Variants in MXRA7 observed in about 807,000 individuals in gnomAD.
MXRA7 encodes the protein matrix remodeling associated 7.
Under a neutral mutation model 17.4 loss-of-function variants are expected in MXRA7, and 18 were observed. That is an observed-to-expected ratio of 1.03 (90% confidence interval 0.71 to 1.53). The LOEUF is 1.53. Ranked by LOEUF, MXRA7 falls within the 40% of genes most tolerant of loss-of-function variation. The probability of loss-of-function intolerance (pLI) is 0.00; values close to 1 mark genes in which losing one functional copy is unlikely to be tolerated. For synonymous variants in MXRA7, 70 were observed against 101.7 expected (o/e 0.69, Z 1.87); for missense variants, 141 against 209.3 (o/e 0.67, Z 2.01).
At chr17:76,684,319 A>G (rs1340343721) in intron 3 of MXRA7, among the ~76,000 whole-genome samples, 2 of 152,044 alleles carry the variant, frequency 1.3e-5, no homozygotes, top group Non-Finnish European at 2.9e-5. Flanking sequence ...AAAATGGCAC[A>G]GCTACCACCT....
intron 1 of MXRA7, among the ~76,000 whole-genome samples, chr17:76,694,128 C>A (rs555172489): frequency 1.3e-5 from 2 of 152,274 alleles, no homozygotes; most frequent in South Asian, 4.1e-4. Flanking sequence ...CCAATTTCTG[C>A]TTGGGGGACA....
intron 1 of MXRA7, chr17:76,688,940 G>T: frequency 3.9e-6 from 1 of 256,980 alleles, no homozygotes; most frequent in East Asian, 6.9e-5. Context: ...CCCAGCCAGC[G>T]TCGGCCGCTC....
At chr17:76,676,285 G>A (rs1399576616), downstream of MXRA7, 1 of 152,172 alleles carries the variant, frequency 6.6e-6, no homozygotes, top group African/African-American at 2.4e-5. Context: ...TATTTCTTCT[G>A]TCTACAGCAT....
chr17:76,680,641 G>A lies in MXRA7; in HGVS notation c.*226C>T. On this transcript the variant is annotated 3_prime_UTR_variant, in exon 4 of 4. Transcript: ENST00000449428. ...CTTCAGCTTAACAAAGTGACCCACA[G>A]GAACAGACATGAACATCTCTACACA... 4.5e-6 allele frequency: 6 copies of A among 1,325,922 alleles called. No homozygotes were observed. The highest frequency in any genetic ancestry group is 5.8e-6 in the Non-Finnish European group (6 of 1,034,280). 82.1% of individuals were successfully genotyped at this position (1,325,922 alleles called of 1,614,324 possible). A position where few individuals can be genotyped will look rare whatever the true frequency, so the allele number is the denominator to read the frequency against.
rs200240043 is a variant in MXRA7, at chr17:76,685,233, T to C, written c.407-68A>G. ...GCTGGCCCCACAAACCCCGGCCCCC[T>C]TTCCCTAGGTTTAAAAAGAAACACC... On this transcript the variant is annotated intron_variant, in intron 2 of 3. Transcript: ENST00000449428. The C allele has an allele frequency of 2.2e-4, 253 of 1,160,888 alleles. 1 individual carries two copies. In the East Asian group the frequency reaches 5.9e-3, roughly 27 times the overall value. 71.9% of individuals were successfully genotyped at this position (1,160,888 alleles called of 1,614,324 possible).
intron 1 of MXRA7, among the ~76,000 whole-genome samples, chr17:76,708,406 C>T (rs1227489995): frequency 6.6e-6 from 1 of 152,140 alleles, no homozygotes; most frequent in African/African-American, 2.4e-5. Context: ...TGGTGGGGTT[C>T]GCTTAGGGAC....
chr17:76,702,774 C>G (rs1360751836), intron 1 of MXRA7, among the ~76,000 whole-genome samples: 2 of 150,888 alleles, frequency 1.3e-5, no homozygotes, highest in African/African-American at 4.9e-5. Context: ...ATCGCTGGAA[C>G]CTGGGAGGGG....
At chr17:76,700,443 C>T (rs200719620) in intron 1 of MXRA7, among the ~76,000 whole-genome samples, 1 of 57,060 alleles carries the variant, frequency 1.8e-5, no homozygotes, top group Non-Finnish European at 5.5e-5. Flanking sequence ...CTCTCTGGGG[C>T]ATAACATAAC....
chr17:76,688,009 T>TCCCCCCCCCCCGCCCC, intron 2 of MXRA7, 104 bp downstream of exon 2: 1 of 572,788 alleles, frequency 1.7e-6, no homozygotes, highest in Non-Finnish European at 3.3e-6. Context: ...TCCCACCCCA[T>TCCCCCCCCCCCGCCCC]CCCTCCCCTC....
intron 1 of MXRA7, among the ~76,000 whole-genome samples, chr17:76,692,184 C>A: frequency 6.7e-6 from 1 of 149,934 alleles, no homozygotes; most frequent in South Asian, 2.1e-4. Flanking sequence ...CACTGCATTC[C>A]AGCCTGGGCA....
intron 3 of MXRA7, chr17:76,684,553 A>G: frequency 3.2e-6 from 1 of 314,552 alleles, no homozygotes. Context: ...TCCAAATGGG[A>G]AGGGGGAGCC....
At chr17:76,677,033 G>T (rs1162252024), downstream of MXRA7, 1 of 152,114 alleles carries the variant, frequency 6.6e-6, no homozygotes, top group Non-Finnish European at 1.5e-5. Context: ...TGGCTCACGC[G>T]TGTAATCCCA....
chr17:76,710,667 CT>C lies in MXRA7; in HGVS notation c.279del (p.Pro95GlnfsTer54). On this transcript the variant is annotated frameshift_variant, in exon 1 of 4. Coordinates refer to ENST00000449428, the MANE Select transcript of MXRA7 (RefSeq NM_198530.4). LOFTEE classifies it high-confidence loss of function. ...LGEPAGPGEP[E>X]GPGDPAAAPA... The stretch of plus-strand genomic sequence containing the variant: ...GGCGCCGCCGCGGGATCCCCTGGCC[CT>C]TCGGGCTCCCCCGGTCCCGCAGGCT... The C allele has an allele frequency of 1.5e-6, 2 of 1,331,010 alleles. No homozygotes were observed. Among genetic ancestry groups the C allele is most frequent in the South Asian group, 1.8e-5 (1 of 56,484 alleles). 82.4% of individuals were successfully genotyped at this position (1,331,010 alleles called of 1,614,324 possible).
intron 1 of MXRA7, among the ~76,000 whole-genome samples, chr17:76,702,856 TAA>T (rs1491391250): frequency 2.5e-5 from 2 of 79,974 alleles, no homozygotes; most frequent in Non-Finnish European, 3.5e-5. Context: ...CCTCTTAAAA[TAA>T]ATATATATAT....
chr17:76,678,371 G>A (rs2076257972), downstream of MXRA7, among the ~76,000 whole-genome samples: 2 of 152,210 alleles, frequency 1.3e-5, no homozygotes, highest in South Asian at 2.1e-4. Flanking sequence ...GTTCTGTGCT[G>A]GGAGCAATGT....
chr17:76,710,529 C>G, intron 1 of MXRA7, 76 bp downstream of exon 1: 1 of 1,174,200 alleles, frequency 8.5e-7, no homozygotes, highest in Non-Finnish European at 1.1e-6. Flanking sequence ...GCCCCGCTCC[C>G]TGGCTCGGCG....
At chr17:76,707,291 C>CTTTTTTTTTTTTTTTTTTTTT in intron 1 of MXRA7, among the ~76,000 whole-genome samples, 1 of 96,128 alleles carries the variant, frequency 1.0e-5, no homozygotes, top group East Asian at 3.8e-4. Context: ...AGTCCCTACT[C>CTTTTTTTTTTTTTTTTTTTTT]TTTTTTTTTT....
At chr17:76,696,030 G>A (rs1443379777) in intron 1 of MXRA7, among the ~76,000 whole-genome samples, 3 of 152,120 alleles carry the variant, frequency 2.0e-5, no homozygotes, top group African/African-American at 7.2e-5. Flanking sequence ...AGGAGGCGGA[G>A]GTTGCAGTAA....
downstream of MXRA7, chr17:76,675,603 C>T (rs1217323781): frequency 6.6e-6 from 1 of 152,066 alleles, no homozygotes; most frequent in Non-Finnish European, 1.5e-5. Flanking sequence ...CCATATTGGC[C>T]AGGCTGGTCT....
Sources: gnomAD v4.1 joint callset for allele counts (sites outside exome capture counted in the v4.1 genomes callset) on GRCh38, gnomAD v4.1.1 for gene constraint, MANE v1.5 for transcripts, NCBI Gene and HGNC (gene_info 2026-07-23, HGNC 2026-07-21) for gene names.